MYCBP2: variants seen among roughly 807,000 people sequenced by gnomAD.
MYCBP2 encodes the protein E3 ubiquitin-protein ligase MYCBP2.
MYCBP2 carries 120 observed loss-of-function variants against 525.3 expected under a neutral mutation model. That is an observed-to-expected ratio of 0.23 (90% confidence interval 0.20 to 0.27). MYCBP2 has a LOEUF of 0.27. Among genes scored for constraint, MYCBP2 ranks in the 10% least tolerant of loss-of-function variants. The pLI is 1.00. For missense variants in MYCBP2, 4,149 were observed against 5,657.1 expected (o/e 0.73, Z 8.55); for synonymous variants, 1,894 against 1,955.8 (o/e 0.97, Z 0.83).
chr13:77,154,975 A>G (rs191939362), intron 46 of MYCBP2, among the ~76,000 whole-genome samples: 215 of 152,178 alleles, frequency 1.4e-3, no homozygotes, highest in Non-Finnish European at 2.4e-3. Flanking sequence ...ATGTATATAT[A>G]AAGTATATTA....
At chr13:77,287,244 G>A (rs139807000) in intron 3 of MYCBP2, among the ~76,000 whole-genome samples, 3,652 of 148,610 alleles carry the variant, frequency 0.025, 71 homozygotes, top group Non-Finnish European at 0.037. Context: ...GGAGTGCAAT[G>A]GCATGATCTC....
chr13:77,301,449 A>T (rs1434393145), intron 1 of MYCBP2, among the ~76,000 whole-genome samples: 1 of 123,182 alleles, frequency 8.1e-6, no homozygotes, highest in East Asian at 2.3e-4. Context: ...AAAAAAAAAA[A>T]GAGGCTGGGT....
intron 82 of MYCBP2, among the ~76,000 whole-genome samples, chr13:77,046,547 A>G (rs1248540666): frequency 6.6e-6 from 1 of 152,238 alleles, no homozygotes; most frequent in Non-Finnish European, 1.5e-5. Flanking sequence ...TAGCATTTAT[A>G]AAGCTCTTAG....
chr13:77,128,663 G>A (rs377115366), intron 52 of MYCBP2, among the ~76,000 whole-genome samples: 7 of 151,936 alleles, frequency 4.6e-5, no homozygotes, highest in African/African-American at 1.7e-4. Context: ...TCATAGAACT[G>A]TGCCTATCAT....
chr13:77,153,308 C>T (rs950832232), intron 46 of MYCBP2, among the ~76,000 whole-genome samples: 1 of 152,078 alleles, frequency 6.6e-6, no homozygotes, highest in South Asian at 2.1e-4. Context: ...GGGCTGGAGC[C>T]CAGAGGTGCT....
At position 77,181,681 on chromosome 13, in the gene MYCBP2, G is replaced by C. The variant is rs370183337; in HGVS notation, c.4941+20C>G. The C allele has an allele frequency of 6.2e-7, 1 of 1,601,632 alleles. No homozygotes were observed. Among genetic ancestry groups the C allele is most frequent in the Admixed American group, 1.7e-5 (1 of 59,874 alleles). On this transcript the variant is annotated intron_variant, in intron 33 of 82. Transcript: ENST00000544440. ...AGAGTTTTAGTGCCTCTGTATAAAA[G>C]ATTTCAGAGACAGACCTACCTGGCT... is the stretch of plus-strand genomic sequence containing the variant.
chr13:77,064,581 A>G, intron 73 of MYCBP2, 34 bp downstream of exon 73: 4 of 1,560,938 alleles, frequency 2.6e-6, no homozygotes, highest in Non-Finnish European at 3.5e-6. Context: ...ATACACACCA[A>G]ATTTAAAACA....
chr13:77,277,410 T>G (rs2075749387), intron 4 of MYCBP2, among the ~76,000 whole-genome samples: 1 of 152,144 alleles, frequency 6.6e-6, no homozygotes, highest in Non-Finnish European at 1.5e-5. Flanking sequence ...TAACTGTGTA[T>G]GTGAGGGGGG....
At position 77,098,179 on chromosome 13, in the gene MYCBP2, C is replaced by T. The variant is rs1369010208; in HGVS notation, c.8975G>A (p.Cys2992Tyr). 2.5e-6 allele frequency: 4 copies of T among 1,613,708 alleles called. No homozygotes were observed. The highest frequency in any genetic ancestry group is 2.2e-5 in the East Asian group (1 of 44,864). Residue 2992 changes from cysteine to tyrosine, a missense_variant, in exon 56 of 83, where the codon TGT becomes TAT. By Grantham distance (194) the Cys-to-Tyr change is radical. This residue lies in a region of MYCBP2 where 653 missense variants were observed against 744.7 expected (regional missense o/e 0.88). Transcript: ENST00000544440. Reference protein sequence around the residue: ...MRASPKISRKCANRHTRPKKE... With the variant: ...MRASPKISRKYANRHTRPKKE... ...TTTGGGCCTGGTGTGTCTATTAGCA[C>T]ATTTTCGACTTATTTTGGGAGATGC...
At chr13:77,197,836 A>G (rs960065146) in intron 26 of MYCBP2, among the ~76,000 whole-genome samples, 1 of 152,220 alleles carries the variant, frequency 6.6e-6, no homozygotes, top group Admixed American at 6.5e-5. Context: ...TAGCCCACTC[A>G]CTGGATAATT....
intron 10 of MYCBP2, 122 bp downstream of exon 10, chr13:77,263,529 G>C (rs2073642904): frequency 1.4e-6 from 1 of 715,856 alleles, no homozygotes; most frequent in Non-Finnish European, 2.2e-6. Context: ...TATATTAATA[G>C]TAACAGACAC....
chr13:77,317,895 C>T (rs938178705), intron 1 of MYCBP2, among the ~76,000 whole-genome samples: 1 of 152,014 alleles, frequency 6.6e-6, no homozygotes, highest in African/African-American at 2.4e-5. Flanking sequence ...TGAGATCACG[C>T]CATTGCACTC....
intron 17 of MYCBP2, among the ~76,000 whole-genome samples, chr13:77,240,657 A>G (rs1023895637): frequency 6.6e-6 from 1 of 152,122 alleles, no homozygotes; most frequent in Non-Finnish European, 1.5e-5. Flanking sequence ...AGCAGGCATC[A>G]CTTTGCATAG....
intron 26 of MYCBP2, among the ~76,000 whole-genome samples, chr13:77,203,867 C>A (rs930677767): frequency 6.6e-6 from 1 of 151,892 alleles, no homozygotes; most frequent in Non-Finnish European, 1.5e-5. Flanking sequence ...AACTGGATCC[C>A]TTCCTTACAC....
chr13:77,263,595 G>A (rs2073652197), intron 10 of MYCBP2, 56 bp downstream of exon 10: 4 of 1,450,870 alleles, frequency 2.8e-6, no homozygotes, highest in South Asian at 2.5e-5. Flanking sequence ...TCATTTTTAA[G>A]AGTATGAAAA....
intron 82 of MYCBP2, among the ~76,000 whole-genome samples, chr13:77,049,948 T>C (rs145259609): frequency 1.3e-5 from 2 of 152,272 alleles, no homozygotes; most frequent in East Asian, 3.9e-4. Flanking sequence ...ATTTACTTTT[T>C]TCATCTGATG....
intron 1 of MYCBP2, among the ~76,000 whole-genome samples, chr13:77,313,848 A>G (rs536657418): frequency 6.6e-6 from 1 of 152,204 alleles, no homozygotes; most frequent in South Asian, 2.1e-4. Context: ...TGGGGCAAAG[A>G]CCTTAACAGA....
In MYCBP2 at chr13:77,098,397, G is replaced by C. The variant is rs746731047; in HGVS notation, c.8757C>G (p.Pro2919=). Residue 2919 remains proline (P), a synonymous_variant, in exon 56 of 83, where the codon CCC becomes CCG. Transcript: ENST00000544440. ...GGTTTTCCTGTACCACATGGGGAGA[G>C]GGAGCTCTATTTTCAGATCCAGGGG... ...TDSPGSENRA[P]SPHVVQENLH... 1 of 1,613,588 alleles carries C rather than the reference G, an allele frequency of 6.2e-7. No homozygotes were observed. The highest frequency in any genetic ancestry group is 8.5e-7 in the Non-Finnish European group (1 of 1,179,834).
At chr13:77,169,469 T>A in intron 39 of MYCBP2, 145 bp downstream of exon 39, 1 of 643,068 alleles carries the variant, frequency 1.6e-6, no homozygotes, top group East Asian at 2.8e-5. Context: ...GAGAGAAGTT[T>A]AATAATTAGC....
Sources: gnomAD v4.1 joint callset for allele counts (sites outside exome capture counted in the v4.1 genomes callset) on GRCh38, gnomAD v4.1.1 for gene constraint, gnomAD v4.1.1 regional missense constraint, MANE v1.5 for transcripts, NCBI Gene and HGNC (gene_info 2026-07-23, HGNC 2026-07-21) for gene names.